SPATA18: variants seen among roughly 807,000 people sequenced by gnomAD.
SPATA18 encodes mitochondria-eating protein.
A neutral mutation model predicts 68.1 loss-of-function variants in SPATA18; 54 were observed. That is an observed-to-expected ratio of 0.79 (90% CI 0.64 to 0.99). SPATA18 has a LOEUF of 0.99. SPATA18 is among the 50% of genes least tolerant of loss of function. The pLI is 0.00. For missense variants in SPATA18, 724 were observed against 681.1 expected (o/e 1.06, Z -0.70); for synonymous variants, 242 against 244.8 (o/e 0.99, Z 0.11).
intron 11 of SPATA18, among the ~76,000 whole-genome samples, chr4:52,088,097 CT>C (rs1350876762): frequency 6.6e-6 from 1 of 152,126 alleles, no homozygotes; most frequent in Non-Finnish European, 1.5e-5. Context: ...TATAGGAATG[CT>C]TGTGATTTTT....
intron 1 of SPATA18, among the ~76,000 whole-genome samples, chr4:52,055,210 T>C (rs1450209344): frequency 6.6e-6 from 1 of 152,228 alleles, no homozygotes; most frequent in African/African-American, 2.4e-5. Flanking sequence ...CTATTAACTC[T>C]TGCTTTCCTG....
At chr4:52,062,402 A>T in intron 4 of SPATA18, 70 bp downstream of exon 4, 1 of 1,107,244 alleles carries the variant, frequency 9.0e-7, no homozygotes, top group Non-Finnish European at 1.4e-6. Context: ...TAAATTCGAA[A>T]GGAGAATAAT....
Position 52,072,148 on chromosome 4 carries a change from C to G in SPATA18, c.750C>G (p.Leu250=), listed in dbSNP as rs781263644. ...TTCTGTCTGCTGAGAAAAGTGCACTCCAAGGAAGGTCAGACAAACTCTCAA... is the reference window on the plus strand; with the variant it reads ...TTCTGTCTGCTGAGAAAAGTGCACTGCAAGGAAGGTCAGACAAACTCTCAA... The part of the protein sequence containing the change: ...IAVLSAEKSA[L]QGRSSRSRSP... Residue 250 remains leucine, a synonymous_variant, in exon 6 of 13, where the codon CTC becomes CTG. Transcript: ENST00000295213. 12 of 1,613,828 alleles carry G rather than the reference C, an allele frequency of 7.4e-6. No homozygotes were observed. The East Asian group carries it at 2.7e-4, about 36-fold the overall frequency.
At chr4:52,076,647 T>G (rs1740373198) in intron 6 of SPATA18, 132 bp from the exon 7 acceptor site, 1 of 1,200,712 alleles carries the variant, frequency 8.3e-7, no homozygotes, top group African/African-American at 1.5e-5. Context: ...TAGGGAAGTC[T>G]AATCACTTCT....
Position 52,072,085 on chromosome 4 carries a change from T to G in SPATA18, c.687T>G (p.Tyr229Ter), listed in dbSNP as rs1675868447. 1 of 1,614,036 alleles carries G rather than the reference T, an allele frequency of 6.2e-7. No homozygotes were observed. The highest frequency in any genetic ancestry group is 8.5e-7 in the Non-Finnish European group (1 of 1,180,012). ...DQQDTEAMSDYKKQLRNLKEE... is the reference protein window; with the variant it reads ...DQQDTEAMSD Reference sequence around the variant, plus strand: ...AGGACACAGAAGCCATGTCCGATTATAAGAAACAGCTCCGAAACCTGAAGG... The same window carrying G: ...AGGACACAGAAGCCATGTCCGATTAGAAGAAACAGCTCCGAAACCTGAAGG... The change falls in exon 6 of 13, where the codon TAT (tyrosine) becomes TAG (stop). Residue 229 changes from tyrosine (Y) to a stop codon, truncating the protein, a stop_gained. Transcript: ENST00000295213. LOFTEE classifies it high-confidence loss of function.
chr4:52,094,505 A>G (rs1472864766), intron 11 of SPATA18, 22 bp from the exon 12 acceptor site: 2 of 1,610,516 alleles, frequency 1.2e-6, no homozygotes, highest in African/African-American at 1.3e-5. Context: ...TGTAATTCAC[A>G]TTATTCTTTT....
rs1442775947 is a variant in SPATA18 at position 52,079,913 on chromosome 4, A to G, written c.1349A>G (p.Asp450Gly). The G allele has an allele frequency of 6.2e-7, 1 of 1,611,980 alleles. No individual in the cohort carries two copies. The highest frequency in any genetic ancestry group is 8.5e-7 in the Non-Finnish European group (1 of 1,179,134). ...AYGADGEVFN[D>G]CKYRRSYDSD... ...GGAGCAGATGGAGAAGTTTTTAATGATTGCAAGTAAGAGACACAGGAGCAG... is the reference window on the plus strand; with the variant it reads ...GGAGCAGATGGAGAAGTTTTTAATGGTTGCAAGTAAGAGACACAGGAGCAG... Residue 450 changes from aspartate (D) to glycine (G), a missense_variant, in exon 9 of 13, where the codon GAT becomes GGT. Physicochemically the swap from Asp to Gly is moderately conservative, Grantham distance 94 (BLOSUM62 -1). Transcript: ENST00000295213.
chr4:52,060,426 C>T lies in SPATA18; in HGVS notation c.95C>T (p.Thr32Met), dbSNP rs1039849838. ...ACTGTTTTGCCCTTGCAGACAAACA[C>T]GTGTGATCAAAATCTAAACCATTGC... ...DFWLKEYNTN[T>M]CDQNLNHCLE... Residue 32 changes from threonine to methionine, a missense_variant, in exon 2 of 13, where the codon ACG becomes ATG. By Grantham distance (81) the Thr-to-Met change is moderately conservative. Transcript: ENST00000295213. 1.1e-5 allele frequency: 18 copies of T among 1,613,668 alleles called. No homozygotes were observed. Among genetic ancestry groups the T allele is most frequent in the African/African-American group, 4.0e-5 (3 of 74,890 alleles).
chr4:52,066,181 C>T (rs576182943), intron 4 of SPATA18, among the ~76,000 whole-genome samples: 53 of 152,238 alleles, frequency 3.5e-4, no homozygotes, highest in African/African-American at 1.0e-3. Context: ...GACAGAGTCT[C>T]GCTCTGTCAC....
rs1288328178 is a variant in SPATA18 at position 52,071,977 on chromosome 4, A to G, written c.579A>G (p.Ser193=). 2.5e-6 allele frequency: 4 copies of G among 1,613,896 alleles called. No individual in the cohort carries two copies. In the Admixed American group the frequency reaches 6.7e-5, roughly 27 times the overall value. Reference sequence around the variant, plus strand: ...ACAGAAACACAGATCAGAGGAGCTCAGAGAATAGGCGGTCAGAGCCTTGGA... The same window carrying G: ...ACAGAAACACAGATCAGAGGAGCTCGGAGAATAGGCGGTCAGAGCCTTGGA... ...ARHRNTDQRS[S]ENRRSEPWSL... The change falls in exon 6 of 13, where the codon TCA becomes TCG. Residue 193 remains serine (S), a synonymous_variant. Coordinates refer to ENST00000295213, the MANE Select transcript of SPATA18 (RefSeq NM_145263.4).
intron 4 of SPATA18, among the ~76,000 whole-genome samples, chr4:52,066,214 G>A (rs1469399713): frequency 3.3e-5 from 5 of 152,078 alleles, no homozygotes; most frequent in Non-Finnish European, 4.4e-5. Flanking sequence ...GCAGTGGTGC[G>A]ATCTCGGCTC....
chr4:52,072,207 A>G, intron 6 of SPATA18, 51 bp downstream of exon 6: 1 of 1,598,768 alleles, frequency 6.3e-7, no homozygotes, highest in Non-Finnish European at 8.5e-7. Context: ...TTGCTGAGTT[A>G]AGGGATCGGG....
Position 52,076,853 on chromosome 4 carries a change from C to T in SPATA18, c.833C>T (p.Ser278Phe), listed in dbSNP as rs770667362. The change falls in exon 7 of 13, where the codon TCC (serine) becomes TTC (phenylalanine). Residue 278 changes from serine to phenylalanine, a missense_variant. Transcript: ENST00000295213. ...SCSRSRSASP[S>F]TAVKVRRPSP... The stretch of plus-strand genomic sequence containing the variant: ...AGCCGCAGCAGATCTGCCAGCCCCT[C>T]CACCGCTGTCAAGGTCAGGAGACCG... 1 of 1,614,230 alleles carries T rather than the reference C, an allele frequency of 6.2e-7. No individual in the cohort carries two copies. The highest frequency in any genetic ancestry group is 1.7e-5 in the Admixed American group (1 of 60,036).
intron 2 of SPATA18, 78 bp from the exon 3 acceptor site, chr4:52,060,704 A>G: frequency 1.6e-6 from 2 of 1,264,130 alleles, no homozygotes; most frequent in South Asian, 1.2e-5. Flanking sequence ...CATGTACACA[A>G]CGTGCAGGTT....
At chr4:52,064,060 A>G (rs1739114996) in intron 4 of SPATA18, among the ~76,000 whole-genome samples, 1 of 152,156 alleles carries the variant, frequency 6.6e-6, no homozygotes, top group Non-Finnish European at 1.5e-5. Flanking sequence ...CTTTAAAAAA[A>G]CTTTTCATTT....
Position 52,094,997 on chromosome 4 carries a change from G to A in SPATA18, c.*110G>A. Reference sequence around the variant, plus strand: ...GACCTCACTTAAGATAATGTCAAAAGGCAATTCTGTGTATCACCCCACACA... The same window carrying A: ...GACCTCACTTAAGATAATGTCAAAAAGCAATTCTGTGTATCACCCCACACA... On this transcript the variant is annotated 3_prime_UTR_variant, in exon 13 of 13. Transcript: ENST00000295213. 1.5e-6 allele frequency: 2 copies of A among 1,369,534 alleles called. No homozygotes were observed. The highest frequency in any genetic ancestry group is 1.0e-6 in the Non-Finnish European group (1 of 959,758). The allele number at this position is 1,369,534 out of a possible 1,614,324, so 84.8% of individuals were successfully genotyped here. A position where few individuals can be genotyped will look rare whatever the true frequency, so the allele number is the denominator to read the frequency against.
At chr4:52,069,770 A>G in intron 4 of SPATA18, 51 bp from the exon 5 acceptor site, 1 of 1,405,752 alleles carries the variant, frequency 7.1e-7, no homozygotes, top group South Asian at 1.5e-5. Context: ...TTGATTTAGA[A>G]AGTCTGCCAA....
chr4:52,072,715 G>A (rs1002445680), intron 6 of SPATA18, among the ~76,000 whole-genome samples: 3 of 152,196 alleles, frequency 2.0e-5, no homozygotes, highest in Non-Finnish European at 4.4e-5. Flanking sequence ...TATAAGGAAA[G>A]TTCTTTGGCT....
chr4:52,077,338 C>A (rs1740473992), intron 7 of SPATA18, among the ~76,000 whole-genome samples: 1 of 146,238 alleles, frequency 6.8e-6, no homozygotes, highest in African/African-American at 2.5e-5. Flanking sequence ...CCCTCCCTTC[C>A]TTTCTCTTTC....
Sources: allele counts gnomAD v4.1 joint callset (sites outside exome capture counted in the v4.1 genomes callset), GRCh38; gene constraint gnomAD v4.1.1; transcripts MANE v1.5; gene names NCBI Gene and HGNC (gene_info 2026-07-23, HGNC 2026-07-21).